Variants in SAMD4A observed in about 807,000 individuals in gnomAD.
SAMD4A encodes protein Smaug homolog 1.
SAMD4A carries 33 observed loss-of-function variants against 81.3 expected under a neutral mutation model. The ratio of observed to expected loss-of-function variants is 0.41; its 90% confidence interval spans 0.31 to 0.54. SAMD4A has a LOEUF of 0.54. SAMD4A is among the 20% of genes least tolerant of loss of function. The probability of loss-of-function intolerance (pLI) is 0.37; values close to 1 mark genes in which losing one functional copy is unlikely to be tolerated. For missense variants in SAMD4A, 854 were observed against 951.1 expected, an observed-to-expected ratio of 0.90 and a Z score of 1.34; for synonymous variants, 389 against 382.1, an observed-to-expected ratio of 1.02 and a Z score of -0.21.
chr14:54,662,414 AT>A (rs1270433183), intron 2 of SAMD4A, among the ~76,000 whole-genome samples: 6 of 118,606 alleles, frequency 5.1e-5, no homozygotes, highest in African/African-American at 1.3e-4. Context: ...TTTTTTTTTC[AT>A]TTTTTTTTTC....
intron 2 of SAMD4A, among the ~76,000 whole-genome samples, chr14:54,670,300 G>A (rs1231395926): frequency 6.6e-6 from 1 of 152,154 alleles, no homozygotes; most frequent in Non-Finnish European, 1.5e-5. Flanking sequence ...CGTTCATCTG[G>A]TTTCTTGGAA....
At chr14:54,651,404 A>G (rs185984719) in intron 2 of SAMD4A, among the ~76,000 whole-genome samples, 8 of 152,338 alleles carry the variant, frequency 5.3e-5, no homozygotes, top group Admixed American at 2.0e-4. Flanking sequence ...TCAGCATGAC[A>G]TTAGTGATTT....
At chr14:54,587,042 AT>A (rs1287862684) in intron 2 of SAMD4A, among the ~76,000 whole-genome samples, 6 of 152,236 alleles carry the variant, frequency 3.9e-5, no homozygotes, top group Admixed American at 3.3e-4. Context: ...CATAATATTG[AT>A]TCTACCTATC....
chr14:54,733,856 T>C (rs772741603), intron 3 of SAMD4A, among the ~76,000 whole-genome samples: 1 of 150,588 alleles, frequency 6.6e-6, no homozygotes, highest in Non-Finnish European at 1.5e-5. Context: ...TGCCCGAATG[T>C]CCATATGACC....
intron 2 of SAMD4A, among the ~76,000 whole-genome samples, chr14:54,678,254 T>A (rs2140551267): frequency 6.6e-6 from 1 of 152,324 alleles, no homozygotes; most frequent in South Asian, 2.1e-4. Context: ...AGATTCTTCT[T>A]GGCATCTCTG....
In SAMD4A at chr14:54,760,266, C is replaced by T. The variant is rs756438692; in HGVS notation, c.1282C>T (p.Arg428Cys). 1.4e-5 allele frequency: 23 copies of T among 1,612,588 alleles called. No homozygotes were observed. Among genetic ancestry groups the T allele is most frequent in the Non-Finnish European group, 1.8e-5 (21 of 1,179,840 alleles). Residue 428 changes from arginine to cysteine, a missense_variant, in exon 7 of 13, where the codon CGC (arginine) becomes TGC (cysteine). Arg to Cys is a radical substitution (Grantham distance 180). This residue lies in a region of SAMD4A where 428 missense variants were observed against 471.2 expected (regional missense o/e 0.91). Coordinates refer to ENST00000554335, the MANE Select transcript of SAMD4A (RefSeq NM_015589.6). ...CTCCCCGAGCACCACCCCCGAGGCT[C>T]GCCGCCGGGAGCCCCAGGCCCCGCG... ...YSSPSTTPEA[R>C]RREPQAPRQP...
At chr14:54,775,772 G>A (rs556708435) in intron 10 of SAMD4A, among the ~76,000 whole-genome samples, 2 of 152,142 alleles carry the variant, frequency 1.3e-5, no homozygotes, top group South Asian at 4.2e-4. Flanking sequence ...GAGGTTCTGG[G>A]GTCTCAGGAG....
upstream of SAMD4A, among the ~76,000 whole-genome samples, chr14:54,566,287 G>T (rs1353081199): frequency 1.3e-5 from 2 of 151,520 alleles, no homozygotes. Flanking sequence ...GGGCCCCCGA[G>T]CCGCCGGGAT....
At chr14:54,764,830 G>T (rs1258142473) in intron 8 of SAMD4A, among the ~76,000 whole-genome samples, 1 of 152,162 alleles carries the variant, frequency 6.6e-6, no homozygotes, top group Non-Finnish European at 1.5e-5. Context: ...GCCTCAGAGG[G>T]TAACACATGA....
At chr14:54,636,757 C>A (rs1188281027) in intron 2 of SAMD4A, among the ~76,000 whole-genome samples, 2 of 152,100 alleles carry the variant, frequency 1.3e-5, no homozygotes, top group African/African-American at 4.8e-5. Context: ...AGCTTTTTGA[C>A]CTGGGCAACT....
intron 2 of SAMD4A, among the ~76,000 whole-genome samples, chr14:54,612,786 C>G (rs1024481331): frequency 6.6e-6 from 1 of 152,012 alleles, no homozygotes; most frequent in Admixed American, 6.6e-5. Flanking sequence ...GAAGACTACC[C>G]GAGGCAGTCA....
intron 6 of SAMD4A, among the ~76,000 whole-genome samples, chr14:54,755,787 G>A (rs2038223949): frequency 6.6e-6 from 1 of 152,184 alleles, no homozygotes; most frequent in Admixed American, 6.5e-5. Context: ...GGTCACTGGA[G>A]CAGAATTTTC....
intron 3 of SAMD4A, among the ~76,000 whole-genome samples, chr14:54,722,652 G>A (rs1055553877): frequency 4.6e-5 from 7 of 152,270 alleles, no homozygotes; most frequent in Admixed American, 2.0e-4. Flanking sequence ...CTAGGTCTTT[G>A]ATTCCTTAAC....
chr14:54,746,852 A>G (rs1238046811), intron 4 of SAMD4A, among the ~76,000 whole-genome samples: 2 of 152,230 alleles, frequency 1.3e-5, no homozygotes, highest in African/African-American at 2.4e-5. Flanking sequence ...TCAAGATGTA[A>G]ATAGCAAACG....
At chr14:54,584,468 A>G (rs1213575665) in intron 2 of SAMD4A, among the ~76,000 whole-genome samples, 7 of 152,158 alleles carry the variant, frequency 4.6e-5, no homozygotes, top group African/African-American at 1.7e-4. Flanking sequence ...AACCCCTTAG[A>G]CTTGAATTTT....
In SAMD4A at chr14:54,748,915, G is replaced by A. The variant is rs2038030989; in HGVS notation, c.1080G>A (p.Leu360=). ...TGATGGCCCTCACCGAGTGCCAGCT[G>A]GAGGCGCAGGTATGTGCTTGAGGTG... ...EEMMALTECQ[L]EAQNVTKGAR... is the part of the protein sequence containing the mutation. Residue 360 remains leucine, a synonymous_variant, in exon 5 of 13, where the codon CTG becomes CTA. Transcript: ENST00000554335. The A allele has an allele frequency of 1.9e-6, 3 of 1,551,802 alleles. No homozygotes were observed. Among genetic ancestry groups the A allele is most frequent in the Non-Finnish European group, 2.6e-6 (3 of 1,146,514 alleles).
At chr14:54,781,237 G>A (rs968401000) in intron 11 of SAMD4A, among the ~76,000 whole-genome samples, 1 of 152,210 alleles carries the variant, frequency 6.6e-6, no homozygotes, top group Non-Finnish European at 1.5e-5. Flanking sequence ...CTTACCCTCA[G>A]TGCCTTGGAG....
intron 2 of SAMD4A, among the ~76,000 whole-genome samples, chr14:54,638,616 C>G (rs576212910): frequency 6.6e-6 from 1 of 152,294 alleles, no homozygotes; most frequent in East Asian, 1.9e-4. Flanking sequence ...CAACAAGGAA[C>G]AAGATTTGTC....
At chr14:54,581,317 A>G (rs903747488) in intron 2 of SAMD4A, among the ~76,000 whole-genome samples, 1 of 152,256 alleles carries the variant, frequency 6.6e-6, no homozygotes, top group Non-Finnish European at 1.5e-5. Context: ...GTTCAGGAAA[A>G]GATGACCATG....
Sources: gnomAD v4.1 joint callset for allele counts (sites outside exome capture counted in the v4.1 genomes callset) on GRCh38, gnomAD v4.1.1 for gene constraint, gnomAD v4.1.1 regional missense constraint, MANE v1.5 for transcripts, NCBI Gene and HGNC (gene_info 2026-07-23, HGNC 2026-07-21) for gene names.